The following PSMG2 variants were observed in gnomAD, a reference collection of about 807,000 sequenced individuals.
The protein encoded by PSMG2 is proteasome assembly chaperone 2, also known as CD40 ligand-activated specific transcript 3.
PSMG2 carries 21 observed loss-of-function variants against 31.5 expected under a neutral mutation model. The observed-to-expected ratio is 0.67, with a 90% CI of 0.47 to 0.96. The LOEUF is 0.96. Among genes scored for constraint, PSMG2 ranks in the 40% least tolerant of loss-of-function variants. PSMG2 has a pLI of 0.00. For missense variants in PSMG2, 318 were observed against 321.2 expected (o/e 0.99, Z 0.08); for synonymous variants, 120 against 110.4 (o/e 1.09, Z -0.54).
intron 1 of PSMG2, among the ~76,000 whole-genome samples, chr18:12,674,243 C>T (rs779585051): frequency 1.3e-5 from 2 of 151,872 alleles, no homozygotes; most frequent in Non-Finnish European, 2.9e-5. Flanking sequence ...TCAAGACCAG[C>T]CTGGGCAACA....
At chr18:12,694,945 G>C (rs2039898398) in intron 1 of PSMG2, among the ~76,000 whole-genome samples, 1 of 151,508 alleles carries the variant, frequency 6.6e-6, no homozygotes. Flanking sequence ...ACGATCTCCT[G>C]ACCTTGTGAT....
intron 3 of PSMG2, among the ~76,000 whole-genome samples, chr18:12,715,135 A>G (rs930070523): frequency 1.3e-5 from 2 of 151,020 alleles, no homozygotes; most frequent in African/African-American, 4.9e-5. Flanking sequence ...CAGCCTCCTG[A>G]GTAGCTGGGA....
intron 1 of PSMG2, chr18:12,672,877 A>G (rs890685678): frequency 9.1e-6 from 9 of 985,188 alleles, no homozygotes; most frequent in Non-Finnish European, 1.1e-5. Flanking sequence ...ATAAACCACA[A>G]AAGTGGTAAT....
At chr18:12,718,477 CTT>C (rs762099615) in intron 3 of PSMG2, 38 bp from the exon 4 acceptor site, 461 of 1,344,090 alleles carry the variant, frequency 3.4e-4, no homozygotes, top group Non-Finnish European at 4.6e-4. Flanking sequence ...CTAAGACTAA[CTT>C]TTAGATTTTC....
intron 1 of PSMG2, among the ~76,000 whole-genome samples, chr18:12,674,105 TA>T (rs2039031854): frequency 6.6e-6 from 1 of 151,998 alleles, no homozygotes; most frequent in African/African-American, 2.4e-5. Context: ...TCAGTCATTG[TA>T]AAAGCTCCCA....
chr18:12,706,028 A>T (rs890895618), intron 1 of PSMG2, among the ~76,000 whole-genome samples: 1 of 152,250 alleles, frequency 6.6e-6, no homozygotes, highest in East Asian at 1.9e-4. Flanking sequence ...AACAATTGAC[A>T]TATAGTAGGC....
At chr18:12,695,788 A>G (rs1457814007) in intron 1 of PSMG2, among the ~76,000 whole-genome samples, 1 of 152,074 alleles carries the variant, frequency 6.6e-6, no homozygotes, top group East Asian at 1.9e-4. Flanking sequence ...AATTAAATGT[A>G]TAATATCAAC....
At chr18:12,671,368 ACTTT>A (rs1438531748) in intron 1 of PSMG2, among the ~76,000 whole-genome samples, 4 of 152,198 alleles carry the variant, frequency 2.6e-5, no homozygotes, top group African/African-American at 9.6e-5. Context: ...GTATAGAGTT[ACTTT>A]CTTAAGACCA....
rs1445914260 is a variant in PSMG2 at position 12,705,566 on chromosome 18, A to T, written c.58-984A>T. ...GAAAAAGAGAGAGAGAGAGAGAGAG[A>T]GAGAGAGAGAGTGTGTGTGTGTGTG... On this transcript the variant is annotated intron_variant, in intron 1 of 6. Coordinates refer to ENST00000317615, the MANE Select transcript of PSMG2 (RefSeq NM_020232.5). Among the ~76,000 whole-genome samples, 1,218 of 128,466 alleles carry T rather than the reference A, an allele frequency of 9.5e-3. 22 individuals are homozygous for T. Among genetic ancestry groups the T allele is most frequent in the African/African-American group, 0.034 (1,168 of 33,926 alleles). The allele number at this position is 128,466 out of a possible 152,430, so 84.3% of individuals were successfully genotyped here.
At chr18:12,716,948 CTT>C (rs56726339) in intron 3 of PSMG2, among the ~76,000 whole-genome samples, 18 of 116,742 alleles carry the variant, frequency 1.5e-4, no homozygotes, top group African/African-American at 1.9e-4. Context: ...TTTTCTTTTA[CTT>C]TTTTTTTTTT....
chr18:12,683,550 A>C lies in PSMG2; in HGVS notation c.-36-23000A>C, dbSNP rs558579486. Among the ~76,000 whole-genome samples, 247 of 152,196 alleles carry C rather than the reference A, an allele frequency of 1.6e-3. 1 individual carries two copies. Among genetic ancestry groups the C allele is most frequent in the African/African-American group, 5.6e-3 (233 of 41,536 alleles). On this transcript the variant is annotated intron_variant, in intron 1 of 6. Coordinates refer to the PSMG2 transcript ENST00000585331. ...CAGATCACCTAACGTCAGGAGTTCG[A>C]GACCAGCCTAGCCAACACAGTGAAA...
intron 1 of PSMG2, among the ~76,000 whole-genome samples, chr18:12,669,172 G>A (rs1419647094): frequency 6.6e-6 from 1 of 150,560 alleles, no homozygotes; most frequent in Non-Finnish European, 1.5e-5. Context: ...GAGTGCAGTG[G>A]TGTGATCTCA....
intron 1 of PSMG2, 49 bp from the exon 2 acceptor site, chr18:12,706,501 A>C (rs769652099): frequency 6.3e-7 from 1 of 1,582,272 alleles, no homozygotes; most frequent in Non-Finnish European, 8.7e-7. Flanking sequence ...AATAAAATAA[A>C]GTGCTGCTAA....
upstream of PSMG2, chr18:12,702,904 G>A (rs2040207446): frequency 8.4e-6 from 5 of 598,698 alleles, no homozygotes; most frequent in Admixed American, 3.4e-5. Context: ...AAGCGCTGCT[G>A]GCCCCTCTTC....
At chr18:12,659,747 A>G (rs552046071) in intron 1 of PSMG2, among the ~76,000 whole-genome samples, 15 of 152,346 alleles carry the variant, frequency 9.8e-5, no homozygotes, top group Non-Finnish European at 2.1e-4. Flanking sequence ...CGAGAGAGAC[A>G]AAACAACCCC....
At chr18:12,661,956 G>A in intron 1 of PSMG2, 1 of 259,356 alleles carries the variant, frequency 3.9e-6, no homozygotes. Context: ...CTCTGAATAT[G>A]ATTTTGTTTT....
intron 1 of PSMG2, among the ~76,000 whole-genome samples, chr18:12,677,492 G>C (rs1278568076): frequency 7.2e-6 from 1 of 138,274 alleles, no homozygotes; most frequent in East Asian, 2.2e-4. Flanking sequence ...AAAGAGGTTT[G>C]ATCTCAAAAG....
At chr18:12,658,769 T>C (rs1259425579) in exon 1 of PSMG2, 1 of 363,180 alleles carries the variant, frequency 2.8e-6, no homozygotes, top group Non-Finnish European at 5.7e-6. Flanking sequence ...ACTCCCATCT[T>C]CAGGGTAAGC....
rs2040319299 is a variant in PSMG2 at position 12,710,529 on chromosome 18, G to A, written c.230-2173G>A. On this transcript the variant is annotated intron_variant, in intron 2 of 6. Coordinates refer to ENST00000317615, the MANE Select transcript of PSMG2 (RefSeq NM_020232.5). ...CCCTTGAAATCTCTTTTACTCTAGAGCAGTCCCTTTTTTTTCATCACAAAC... is the reference window on the plus strand; with the variant it reads ...CCCTTGAAATCTCTTTTACTCTAGAACAGTCCCTTTTTTTTCATCACAAAC... Among the ~76,000 whole-genome samples the A allele has an allele frequency of 4.6e-5, 7 of 152,160 alleles. No homozygotes were observed. In the South Asian group the frequency reaches 1.2e-3, roughly 27 times the overall value.
Sources: gnomAD v4.1 joint callset for allele counts (sites outside exome capture counted in the v4.1 genomes callset) on GRCh38, gnomAD v4.1.1 for gene constraint, MANE v1.5 for transcripts, NCBI Gene and HGNC (gene_info 2026-07-23, HGNC 2026-07-21) for gene names.